SNX29: variants seen among roughly 807,000 people sequenced by gnomAD.
SNX29 encodes the protein sorting nexin 29.
Under a neutral mutation model 102.1 loss-of-function variants are expected in SNX29, and 78 were observed. The observed-to-expected ratio is 0.76, with a 90% CI of 0.64 to 0.92. The LOEUF is 0.92. Among genes scored for constraint, SNX29 ranks in the 40% least tolerant of loss-of-function variants. SNX29 has a pLI of 0.00. For missense variants in SNX29, 1,280 were observed against 1,061.7 expected, an observed-to-expected ratio of 1.21 and a Z score of -2.86; for synonymous variants, 580 against 414.5, an observed-to-expected ratio of 1.40 and a Z score of -4.85.
At chr16:12,301,239 C>T (rs887263311) in intron 15 of SNX29, among the ~76,000 whole-genome samples, 11 of 152,206 alleles carry the variant, frequency 7.2e-5, no homozygotes, top group Middle Eastern at 3.2e-3. Context: ...TTTCTCTTGC[C>T]GGGAGTACTA....
At chr16:12,550,191 T>C (rs1476206734) in intron 20 of SNX29, among the ~76,000 whole-genome samples, 1 of 152,192 alleles carries the variant, frequency 6.6e-6, no homozygotes, top group Non-Finnish European at 1.5e-5. Flanking sequence ...ACATTATTAC[T>C]AAGAGGATAA....
chr16:12,168,288 G>A (rs1005926073), intron 13 of SNX29, among the ~76,000 whole-genome samples: 1 of 152,136 alleles, frequency 6.6e-6, no homozygotes, highest in Non-Finnish European at 1.5e-5. Context: ...AGGAGCCTTT[G>A]GGGGAAGGAA....
At chr16:12,144,991 G>C (rs928048589) in intron 13 of SNX29, among the ~76,000 whole-genome samples, 3 of 152,228 alleles carry the variant, frequency 2.0e-5, no homozygotes, top group Non-Finnish European at 4.4e-5. Context: ...AAAGTGCTGG[G>C]ATTACAGGCG....
chr16:12,540,294 A>T (rs2077271409), intron 20 of SNX29, among the ~76,000 whole-genome samples: 1 of 152,132 alleles, frequency 6.6e-6, no homozygotes, highest in Non-Finnish European at 1.5e-5. Flanking sequence ...TAGAGGCATT[A>T]CGGGGTGGCC....
At chr16:12,524,199 CCT>C (rs1465224006) in intron 19 of SNX29, among the ~76,000 whole-genome samples, 3 of 152,146 alleles carry the variant, frequency 2.0e-5, no homozygotes, top group Non-Finnish European at 2.9e-5. Context: ...ATTAATAAAA[CCT>C]CTTTCTTAAT....
chr16:12,050,805 G>A (rs2050267703), intron 7 of SNX29, among the ~76,000 whole-genome samples: 2 of 151,854 alleles, frequency 1.3e-5, no homozygotes, highest in South Asian at 2.1e-4. Context: ...TCTGCCTCCC[G>A]TGTTCAAGAA....
At chr16:12,423,851 C>A (rs991655442) in intron 18 of SNX29, among the ~76,000 whole-genome samples, 1 of 152,184 alleles carries the variant, frequency 6.6e-6, no homozygotes, top group Non-Finnish European at 1.5e-5. Context: ...GGATTACAGG[C>A]GTGAGCTACC....
At chr16:12,442,390 C>G (rs2085847159) in intron 18 of SNX29, among the ~76,000 whole-genome samples, 1 of 152,272 alleles carries the variant, frequency 6.6e-6, no homozygotes, top group East Asian at 1.9e-4. Flanking sequence ...TCTTTTCTCT[C>G]TTCTTCCCTT....
chr16:12,148,954 A>T (rs1170867555), intron 13 of SNX29, among the ~76,000 whole-genome samples: 1 of 152,082 alleles, frequency 6.6e-6, no homozygotes, highest in Admixed American at 6.6e-5. Context: ...CACCTGCCTC[A>T]GCCTCCCAAA....
At chr16:12,280,221 T>G (rs2079388653) in intron 15 of SNX29, among the ~76,000 whole-genome samples, 1 of 152,178 alleles carries the variant, frequency 6.6e-6, no homozygotes, top group South Asian at 2.1e-4. Context: ...TGGCAGGAAC[T>G]GAAAGGAGAC....
At chr16:12,198,773 G>T (rs956653846) in intron 13 of SNX29, among the ~76,000 whole-genome samples, 1 of 152,246 alleles carries the variant, frequency 6.6e-6, no homozygotes, top group Non-Finnish European at 1.5e-5. Flanking sequence ...CCTGTAAAAT[G>T]TGGAGAATAC....
At chr16:12,467,352 C>T (rs1218457063) in intron 18 of SNX29, among the ~76,000 whole-genome samples, 3 of 152,180 alleles carry the variant, frequency 2.0e-5, no homozygotes, top group Non-Finnish European at 2.9e-5. Context: ...CTCACTAGGG[C>T]GAAGATCCAT....
chr16:12,477,940 T>C, intron 19 of SNX29, 81 bp downstream of exon 19: 1 of 1,444,844 alleles, frequency 6.9e-7, no homozygotes, highest in East Asian at 2.5e-5. Flanking sequence ...AGTCCGTTGC[T>C]TAAAAACACA....
chr16:12,565,111 C>T (rs2078941674), intron 20 of SNX29, among the ~76,000 whole-genome samples: 1 of 149,564 alleles, frequency 6.7e-6, no homozygotes, highest in Non-Finnish European at 1.5e-5. Context: ...TGAGTACTGG[C>T]CCTAGTCTCT....
chr16:12,552,128 G>T (rs555139555), intron 20 of SNX29, among the ~76,000 whole-genome samples: 1 of 152,326 alleles, frequency 6.6e-6, no homozygotes, highest in African/African-American at 2.4e-5. Context: ...ATACGGAAAT[G>T]CCTGAGAGGC....
chr16:12,432,740 A>C (rs1236604951), intron 18 of SNX29, among the ~76,000 whole-genome samples: 1 of 152,212 alleles, frequency 6.6e-6, no homozygotes, highest in African/African-American at 2.4e-5. Context: ...GTGGGAGGGA[A>C]AAAAAGTTGA....
At chr16:12,527,925 C>T (rs753391937) in intron 20 of SNX29, among the ~76,000 whole-genome samples, 6 of 150,884 alleles carry the variant, frequency 4.0e-5, no homozygotes, top group Admixed American at 2.0e-4. Flanking sequence ...CCCAGGTTCA[C>T]GCCATTCTCC....
At chr16:12,463,817 A>AGTGTGT (rs143006476) in intron 18 of SNX29, among the ~76,000 whole-genome samples, 11,971 of 143,252 alleles carry the variant, frequency 0.084, 624 homozygotes, top group South Asian at 0.22. Context: ...TCCCGAAGTG[A>AGTGTGT]GTGTGTGTGT....
At chr16:12,540,490 G>C (rs1157094702) in intron 20 of SNX29, among the ~76,000 whole-genome samples, 1 of 152,244 alleles carries the variant, frequency 6.6e-6, no homozygotes, top group Non-Finnish European at 1.5e-5. Flanking sequence ...GGTGTCGGCA[G>C]GGCTGGCGCC....
Sources: allele counts gnomAD v4.1 joint callset (sites outside exome capture counted in the v4.1 genomes callset), GRCh38; gene constraint gnomAD v4.1.1; transcripts MANE v1.5; gene names NCBI Gene and HGNC (gene_info 2026-07-23, HGNC 2026-07-21).